Variants in SWT1 observed in about 807,000 individuals in gnomAD.
The protein encoded by SWT1 is transcriptional protein SWT1.
SWT1 carries 33 observed loss-of-function variants against 107.3 expected under a neutral mutation model. That is an observed-to-expected ratio of 0.31 (90% CI 0.23 to 0.41). The LOEUF is 0.41. Ranked by LOEUF, SWT1 falls within the 10% of genes least tolerant of loss-of-function variation. SWT1 has a pLI of 1.00. For synonymous variants in SWT1, 345 were observed against 348.3 expected, an observed-to-expected ratio of 0.99 and a Z score of 0.11; for missense variants, 898 against 1,028.9, an observed-to-expected ratio of 0.87 and a Z score of 1.74.
At chr1:185,262,075 T>A (rs925232051) in intron 16 of SWT1, among the ~76,000 whole-genome samples, 2 of 152,216 alleles carry the variant, frequency 1.3e-5, no homozygotes, top group African/African-American at 4.8e-5. Flanking sequence ...ACGAGAGTGA[T>A]CCTATTTGTC....
intron 17 of SWT1, among the ~76,000 whole-genome samples, chr1:185,272,601 C>G (rs918662583): frequency 6.6e-5 from 10 of 152,156 alleles, no homozygotes; most frequent in African/African-American, 2.4e-4. Flanking sequence ...ACTGTGTGAT[C>G]TAGGAAGAGT....
At chr1:185,195,566 A>G (rs1657316325) in intron 10 of SWT1, among the ~76,000 whole-genome samples, 1 of 152,220 alleles carries the variant, frequency 6.6e-6, no homozygotes, top group South Asian at 2.1e-4. Context: ...TGCATGAGGA[A>G]TCGCCACACT....
intron 16 of SWT1, among the ~76,000 whole-genome samples, chr1:185,232,588 G>A (rs559997667): frequency 1.4e-4 from 22 of 152,248 alleles, no homozygotes; most frequent in African/African-American, 3.1e-4. Context: ...ATGCAGTGGC[G>A]GGAGGAAGGG....
At chr1:185,203,100 A>T (rs1382763583) in intron 11 of SWT1, among the ~76,000 whole-genome samples, 5 of 152,202 alleles carry the variant, frequency 3.3e-5, no homozygotes, top group Non-Finnish European at 7.4e-5. Flanking sequence ...TACCTTGCAG[A>T]GTGTACCTGT....
chr1:185,248,212 A>C (rs1377827925), intron 16 of SWT1, among the ~76,000 whole-genome samples: 1 of 152,220 alleles, frequency 6.6e-6, no homozygotes, highest in Non-Finnish European at 1.5e-5. Context: ...CCACCAATTA[A>C]ACTGTAATTG....
At chr1:185,232,621 C>T (rs993711636) in intron 16 of SWT1, among the ~76,000 whole-genome samples, 9 of 152,058 alleles carry the variant, frequency 5.9e-5, no homozygotes, top group African/African-American at 2.2e-4. Flanking sequence ...GAGGCTGGAT[C>T]GAGGTTGGAG....
At chr1:185,203,097 C>T (rs897420301) in intron 11 of SWT1, among the ~76,000 whole-genome samples, 3 of 152,160 alleles carry the variant, frequency 2.0e-5, no homozygotes, top group African/African-American at 7.2e-5. Flanking sequence ...TTGTACCTTG[C>T]AGAGTGTACC....
intron 18 of SWT1, among the ~76,000 whole-genome samples, chr1:185,285,926 C>T (rs1020993238): frequency 1.3e-5 from 2 of 152,170 alleles, no homozygotes; most frequent in Non-Finnish European, 2.9e-5. Context: ...TGTCTGTCTG[C>T]TCATACCAAA....
intron 5 of SWT1, among the ~76,000 whole-genome samples, chr1:185,175,923 C>T (rs1462886143): frequency 6.6e-6 from 1 of 152,140 alleles, no homozygotes; most frequent in African/African-American, 2.4e-5. Context: ...TAATACCTAT[C>T]ACTTAATAAG....
In SWT1 at chr1:185,189,250, A is replaced by T. The variant is rs186276319; in HGVS notation, c.1430-1299A>T. On this transcript the variant is annotated intron_variant, in intron 9 of 18. Transcript: ENST00000367500. Reference sequence around the variant, plus strand: ...GCAATCCCGCTGCCTCAGCCTCTCAAAATGTTGGGATCACAGGCACCACCC... The same window carrying T: ...GCAATCCCGCTGCCTCAGCCTCTCATAATGTTGGGATCACAGGCACCACCC... Among the ~76,000 whole-genome samples the T allele has an allele frequency of 6.4e-4, 98 of 152,174 alleles. 1 individual carries two copies. Among genetic ancestry groups the T allele is most frequent in the African/African-American group, 2.0e-3 (85 of 41,528 alleles).
chr1:185,199,260 T>C (rs980538169), intron 10 of SWT1, among the ~76,000 whole-genome samples: 1 of 152,208 alleles, frequency 6.6e-6, no homozygotes, highest in Admixed American at 6.5e-5. Context: ...TTAAGGTTAA[T>C]ATTGTTATGT....
chr1:185,206,592 A>T (rs917685324), intron 12 of SWT1, 33 bp from the exon 13 acceptor site: 1 of 1,337,032 alleles, frequency 7.5e-7, no homozygotes, highest in Non-Finnish European at 1.0e-6. Flanking sequence ...TAATAAATCT[A>T]GAGATGTTAA....
At chr1:185,199,205 G>C (rs968935893) in intron 10 of SWT1, among the ~76,000 whole-genome samples, 1 of 152,096 alleles carries the variant, frequency 6.6e-6, no homozygotes, top group Non-Finnish European at 1.5e-5. Flanking sequence ...CAAAGTGCTG[G>C]GATTACAGGC....
At position 185,174,834 on chromosome 1, in the gene SWT1, A is replaced by G. The variant is rs375283617; in HGVS notation, c.687A>G (p.Arg229=). 4.5e-5 allele frequency: 72 copies of G among 1,613,944 alleles called. No individual in the cohort carries two copies. The highest frequency in any genetic ancestry group is 5.7e-5 in the Non-Finnish European group (67 of 1,179,998). ...KIIKEPLGSR[R]QKISFKIPIK... is the part of the protein sequence containing the mutation. ...TTAAGGAACCCTTGGGATCTAGAAG[A>G]CAGAAGATCAGTTTCAAAATCCCTA... The change falls in exon 5 of 19, where the codon AGA becomes AGG. Residue 229 remains arginine (R), a synonymous_variant. Transcript: ENST00000367500.
chr1:185,215,101 T>C (rs1415072), intron 14 of SWT1, among the ~76,000 whole-genome samples: 66,138 of 152,014 alleles, frequency 0.44, 15,832 homozygotes, highest in African/African-American at 0.65. Flanking sequence ...TTTGAAATAA[T>C]TTCAAACTTA....
At chr1:185,228,588 T>C (rs1660269337) in intron 15 of SWT1, among the ~76,000 whole-genome samples, 1 of 152,182 alleles carries the variant, frequency 6.6e-6, no homozygotes, top group Non-Finnish European at 1.5e-5. Flanking sequence ...GTTAATACAT[T>C]GCACAGTGTC....
intron 10 of SWT1, among the ~76,000 whole-genome samples, chr1:185,197,589 G>C (rs537424722): frequency 1.3e-5 from 2 of 152,226 alleles, no homozygotes; most frequent in African/African-American, 4.8e-5. Flanking sequence ...TCTGGTCCTG[G>C]ACTTTTTTGG....
At chr1:185,222,928 T>C (rs1659780267) in intron 15 of SWT1, among the ~76,000 whole-genome samples, 1 of 152,050 alleles carries the variant, frequency 6.6e-6, no homozygotes, top group African/African-American at 2.4e-5. Context: ...CTCTCCTCAT[T>C]CTCCCATCTC....
intron 15 of SWT1, among the ~76,000 whole-genome samples, chr1:185,225,343 T>G (rs1476720354): frequency 6.6e-6 from 1 of 152,172 alleles, no homozygotes; most frequent in East Asian, 1.9e-4. Context: ...TTTTCGTACC[T>G]GTTTATCGAG....
Sources: gnomAD v4.1 joint callset for allele counts (sites outside exome capture counted in the v4.1 genomes callset) on GRCh38, gnomAD v4.1.1 for gene constraint, MANE v1.5 for transcripts, NCBI Gene and HGNC (gene_info 2026-07-23, HGNC 2026-07-21) for gene names.